Variants in MBNL2 observed in about 807,000 individuals in gnomAD.
MBNL2 encodes muscleblind-like protein 2.
In MBNL2, 17 loss-of-function variants were observed where a neutral mutation model predicts 41.9. The observed-to-expected ratio is 0.41, with a 90% CI of 0.28 to 0.61. The LOEUF (loss-of-function observed/expected upper bound fraction) is 0.61, where lower values mean the gene tolerates loss of function less well. Among genes scored for constraint, MBNL2 ranks in the 20% least tolerant of loss-of-function variants. The pLI is 0.35. For synonymous variants in MBNL2, 195 were observed against 182.9 expected (o/e 1.07, Z -0.53); for missense variants, 336 against 505.6 (o/e 0.66, Z 3.22).
intron 8 of MBNL2, among the ~76,000 whole-genome samples, chr13:97,368,657 G>GA (rs912754462): frequency 1.7e-4 from 25 of 151,154 alleles, no homozygotes; most frequent in East Asian, 7.8e-4. Context: ...CCATTTAGTA[G>GA]AAAAAAAACT....
At chr13:97,254,259 G>C (rs1163489956) in intron 1 of MBNL2, among the ~76,000 whole-genome samples, 2 of 152,102 alleles carry the variant, frequency 1.3e-5, no homozygotes, top group Admixed American at 6.6e-5. Flanking sequence ...TAGATATTTA[G>C]ATTAAAATGT....
Position 97,334,142 on chromosome 13 carries a change from GCA to G in MBNL2, c.175-130_175-129del, listed in dbSNP as rs1268438505. 1 of 371,912 alleles carries G rather than the reference GCA, an allele frequency of 2.7e-6. No homozygotes were observed. Among genetic ancestry groups the G allele is most frequent in the Non-Finnish European group, 4.7e-6 (1 of 212,648 alleles). The allele number at this position is 371,912 out of a possible 1,614,324, so 23.0% of individuals were successfully genotyped here. On this transcript the variant is annotated intron_variant, in intron 2 of 8. Coordinates refer to ENST00000679496, the MANE Select transcript of MBNL2 (RefSeq NM_001382683.1). The surrounding 1 kb of genome is among the most constrained non-coding windows in gnomAD (Gnocchi z 5.3). ...CCAACAAACACATGAGCATGCGCGC[GCA>G]CACCCACACACACACACACACACAC...
At chr13:97,218,440 C>CAAAAAA (rs372883729), upstream of MBNL2, among the ~76,000 whole-genome samples, 19 of 117,956 alleles carry the variant, frequency 1.6e-4, no homozygotes, top group African/African-American at 5.1e-4. Context: ...CAAAACAAAA[C>CAAAAAA]AAAAAAAAAA....
At chr13:97,293,601 C>A (rs970419103) in intron 2 of MBNL2, among the ~76,000 whole-genome samples, 2 of 152,048 alleles carry the variant, frequency 1.3e-5, no homozygotes, top group Non-Finnish European at 2.9e-5. Flanking sequence ...CCTTGACCTG[C>A]CAGAGAATTA....
chr13:97,361,855 C>T (rs1040280184), intron 7 of MBNL2, among the ~76,000 whole-genome samples: 22 of 150,030 alleles, frequency 1.5e-4, no homozygotes, highest in African/African-American at 4.4e-4. Context: ...CTGCAACCTC[C>T]GCCTCCCGGG....
the MBNL2 span, among the ~76,000 whole-genome samples, chr13:97,204,781 T>C: frequency 3.3e-5 from 5 of 152,254 alleles, no homozygotes; most frequent in African/African-American, 1.2e-4. Context: ...GTAATTGTCG[T>C]CTATTAGGTA....
chr13:97,223,385 G>A (rs1370492002), intron 1 of MBNL2, among the ~76,000 whole-genome samples: 1 of 152,206 alleles, frequency 6.6e-6, no homozygotes, highest in Non-Finnish European at 1.5e-5. Context: ...ACTTGGCCCA[G>A]GAGAAGGAAA....
chr13:97,338,156 A>G (rs2061049543), intron 3 of MBNL2, among the ~76,000 whole-genome samples: 1 of 152,180 alleles, frequency 6.6e-6, no homozygotes, highest in Non-Finnish European at 1.5e-5. Flanking sequence ...GACCTTGATC[A>G]TGACCTATGG....
the MBNL2 span, among the ~76,000 whole-genome samples, chr13:97,205,819 G>A: frequency 6.6e-6 from 1 of 152,164 alleles, no homozygotes; most frequent in African/African-American, 2.4e-5. Flanking sequence ...AAAATATATG[G>A]AAGAATTACA....
At chr13:97,244,277 A>T (rs1306739724) in intron 1 of MBNL2, among the ~76,000 whole-genome samples, 1 of 152,232 alleles carries the variant, frequency 6.6e-6, no homozygotes, top group Admixed American at 6.5e-5. Flanking sequence ...TTAAGTTTTC[A>T]TGCATTTCAA....
upstream of MBNL2, among the ~76,000 whole-genome samples, chr13:97,219,063 C>T (rs532295180): frequency 2.1e-3 from 312 of 152,184 alleles, 5 homozygotes; most frequent in Admixed American, 0.017. Context: ...AAGAATAGTC[C>T]GTGGACAAGA....
At chr13:97,156,787 T>C in the MBNL2 span, among the ~76,000 whole-genome samples, 136 of 152,288 alleles carry the variant, frequency 8.9e-4, no homozygotes, top group African/African-American at 3.2e-3. Flanking sequence ...CATGCTGTTT[T>C]GGTTACTGTA....
intron 2 of MBNL2, among the ~76,000 whole-genome samples, chr13:97,293,393 A>G (rs2056494148): frequency 6.6e-6 from 1 of 152,226 alleles, no homozygotes; most frequent in Non-Finnish European, 1.5e-5. Context: ...ATTAAAATAA[A>G]AAGGTACAGT....
chr13:97,323,165 C>T (rs958528415), intron 2 of MBNL2, among the ~76,000 whole-genome samples: 3 of 152,186 alleles, frequency 2.0e-5, no homozygotes, highest in Non-Finnish European at 4.4e-5. Flanking sequence ...TGTCCAAATT[C>T]CAGGCAGCCT....
In MBNL2 at chr13:97,268,505, G is replaced by A. The variant is rs998121409; in HGVS notation, c.-604-7127G>A. On this transcript the variant is annotated intron_variant, in intron 1 of 8. Transcript: ENST00000679496. The surrounding 1 kb of genome is among the most constrained non-coding windows in gnomAD (Gnocchi z 4.6). ...TAAAGATCTGGGCATTGAGGCTCAC[G>A]GTGTGCATCCCTGGGGCAGCTCCCA... Among the ~76,000 whole-genome samples, 3 of 152,194 alleles carry A rather than the reference G, an allele frequency of 2.0e-5. No homozygotes were observed. Among genetic ancestry groups the A allele is most frequent in the East Asian group, 1.9e-4 (1 of 5,194 alleles).
At chr13:97,232,824 G>A (rs2042563284) in intron 1 of MBNL2, among the ~76,000 whole-genome samples, 1 of 149,182 alleles carries the variant, frequency 6.7e-6, no homozygotes, top group South Asian at 2.1e-4. Flanking sequence ...GTGATTATTT[G>A]TCGGCCTTTT....
chr13:97,338,380 C>T (rs2061073953), intron 3 of MBNL2, among the ~76,000 whole-genome samples: 1 of 152,212 alleles, frequency 6.6e-6, no homozygotes, highest in South Asian at 2.1e-4. Flanking sequence ...TTTGCTTATC[C>T]ATACAAATGA....
At chr13:97,233,529 C>T (rs2042766894) in intron 1 of MBNL2, among the ~76,000 whole-genome samples, 1 of 151,800 alleles carries the variant, frequency 6.6e-6, no homozygotes, top group Non-Finnish European at 1.5e-5. Context: ...TCTAGTCACA[C>T]CTGAGTCTTA....
At chr13:97,168,676 A>G in the MBNL2 span, among the ~76,000 whole-genome samples, 1 of 152,224 alleles carries the variant, frequency 6.6e-6, no homozygotes, top group Admixed American at 6.5e-5. Context: ...GAATTGATTA[A>G]GCATAATGAA....
Sources: allele counts gnomAD v4.1 joint callset (sites outside exome capture counted in the v4.1 genomes callset), GRCh38; gene constraint gnomAD v4.1.1; non-coding constraint Gnocchi (gnomAD v3.1); transcripts MANE v1.5; gene names NCBI Gene and HGNC (gene_info 2026-07-23, HGNC 2026-07-21).